The following CUBN variants were observed in gnomAD, a reference collection of about 807,000 sequenced individuals.
CUBN encodes the protein 460 kDa receptor.
In CUBN, 282 loss-of-function variants were observed where a neutral mutation model predicts 405.3. The ratio of observed to expected loss-of-function variants is 0.70; its 90% CI spans 0.63 to 0.77. The LOEUF (loss-of-function observed/expected upper bound fraction) is 0.77. Ranked by LOEUF, CUBN falls within the 30% of genes least tolerant of loss-of-function variation. The pLI is 0.00. For missense variants in CUBN, 4,514 were observed against 4,475.2 expected (o/e 1.01, Z -0.25); for synonymous variants, 1,684 against 1,617.0 (o/e 1.04, Z -0.99).
At chr10:17,118,157 T>C (rs1002847434) in intron 6 of CUBN, among the ~76,000 whole-genome samples, 1 of 152,268 alleles carries the variant, frequency 6.6e-6, no homozygotes, top group Admixed American at 6.5e-5. Flanking sequence ...AGCTACAGAG[T>C]ATACTTCTTT....
intron 26 of CUBN, among the ~76,000 whole-genome samples, chr10:17,041,709 G>A (rs1049713987): frequency 3.9e-5 from 6 of 152,056 alleles, no homozygotes; most frequent in African/African-American, 1.4e-4. Flanking sequence ...CTAAAAACCA[G>A]TAACAACATG....
At chr10:17,046,143 T>C in intron 23 of CUBN, 49 bp from the exon 24 acceptor site, 1 of 1,514,688 alleles carries the variant, frequency 6.6e-7, no homozygotes. Context: ...ACAATATTAC[T>C]GTATAAACAT....
At chr10:16,962,368 G>T (rs917729671) in intron 31 of CUBN, among the ~76,000 whole-genome samples, 5 of 151,958 alleles carry the variant, frequency 3.3e-5, no homozygotes, top group Non-Finnish European at 7.4e-5. Flanking sequence ...GAACCAAGGG[G>T]TGGGGTGGGG....
At chr10:17,053,310 T>C (rs747307848) in intron 22 of CUBN, among the ~76,000 whole-genome samples, 1 of 151,988 alleles carries the variant, frequency 6.6e-6, no homozygotes. Flanking sequence ...TTTTTTACTA[T>C]GCATGCACAT....
intron 8 of CUBN, among the ~76,000 whole-genome samples, chr10:17,113,760 G>A (rs944657903): frequency 2.0e-5 from 3 of 152,312 alleles, no homozygotes; most frequent in Middle Eastern, 3.4e-3. Context: ...CTGGTCAGTT[G>A]GTGGTCACTG....
At chr10:17,051,905 T>C (rs1835278376) in intron 22 of CUBN, among the ~76,000 whole-genome samples, 1 of 152,086 alleles carries the variant, frequency 6.6e-6, no homozygotes, top group Admixed American at 6.5e-5. Flanking sequence ...GCTAAAATTC[T>C]CCTAAATTTT....
chr10:16,844,270 C>CAAAA (rs1325881875), intron 60 of CUBN, among the ~76,000 whole-genome samples: 2 of 143,422 alleles, frequency 1.4e-5, no homozygotes, highest in African/African-American at 2.7e-5. Context: ...ACTCTGTCCC[C>CAAAA]AAAAAAAAAA....
intron 59 of CUBN, among the ~76,000 whole-genome samples, chr10:16,867,591 G>T (rs748693124): frequency 3.3e-5 from 5 of 152,168 alleles, no homozygotes; most frequent in Non-Finnish European, 7.4e-5. Flanking sequence ...TGGCATTTAT[G>T]CAGATGAAAA....
At chr10:16,841,228 A>T (rs549471087) in intron 60 of CUBN, among the ~76,000 whole-genome samples, 181 bp from the exon 61 acceptor site, 1 of 152,308 alleles carries the variant, frequency 6.6e-6, no homozygotes, top group South Asian at 2.1e-4. Flanking sequence ...CTTTCAGGAA[A>T]AACCTGTTAT....
intron 8 of CUBN, among the ~76,000 whole-genome samples, chr10:17,111,794 C>T (rs929162483): frequency 2.0e-5 from 3 of 152,150 alleles, no homozygotes; most frequent in Non-Finnish European, 2.9e-5. Context: ...TGTGGTGGTT[C>T]ACGCCTGTAG....
At chr10:17,105,884 A>AT (rs1836618289) in intron 10 of CUBN, among the ~76,000 whole-genome samples, 5 of 152,244 alleles carry the variant, frequency 3.3e-5, no homozygotes, top group Admixed American at 2.0e-4. Flanking sequence ...CCTGGGGAAG[A>AT]CAGACATTCC....
chr10:16,931,610 A>G (rs955271018), intron 40 of CUBN, among the ~76,000 whole-genome samples: 3 of 152,196 alleles, frequency 2.0e-5, no homozygotes, highest in African/African-American at 4.8e-5. Context: ...AACTATTCCA[A>G]ATTCATCATC....
intron 4 of CUBN, among the ~76,000 whole-genome samples, chr10:17,125,613 A>C (rs1382036530): frequency 1.3e-5 from 2 of 152,234 alleles, no homozygotes; most frequent in East Asian, 3.8e-4. Flanking sequence ...ACAGGGGCCT[A>C]GTAGAAAATG....
At chr10:17,055,819 C>T (rs1351394468) in intron 22 of CUBN, among the ~76,000 whole-genome samples, 2 of 152,018 alleles carry the variant, frequency 1.3e-5, no homozygotes, top group African/African-American at 2.4e-5. Flanking sequence ...GATTGGAAGG[C>T]TGAATTTAAG....
intron 23 of CUBN, among the ~76,000 whole-genome samples, chr10:17,046,384 C>A (rs1337092910): frequency 6.6e-6 from 1 of 152,070 alleles, no homozygotes; most frequent in African/African-American, 2.4e-5. Context: ...TCGAATAAAG[C>A]CTCTGGCAAA....
chr10:17,033,182 A>C (rs547267765), intron 27 of CUBN, among the ~76,000 whole-genome samples: 4 of 152,270 alleles, frequency 2.6e-5, no homozygotes, highest in African/African-American at 9.6e-5. Flanking sequence ...CCTGCTCTGC[A>C]GGCCAGGTCC....
At chr10:16,900,885 C>T (rs753818792) in intron 52 of CUBN, 35 bp from the exon 53 acceptor site, 2 of 1,369,406 alleles carry the variant, frequency 1.5e-6, no homozygotes, top group East Asian at 2.4e-5. Flanking sequence ...TGTCAGTGAG[C>T]TTTTATCAAC....
chr10:17,082,721 C>T (rs1004118232), intron 17 of CUBN, among the ~76,000 whole-genome samples: 18 of 152,278 alleles, frequency 1.2e-4, no homozygotes, highest in African/African-American at 2.6e-4. Flanking sequence ...TTGTAGTCAA[C>T]GTCACACAAT....
chr10:16,923,375 G>C (rs1345350262), intron 43 of CUBN, among the ~76,000 whole-genome samples: 1 of 152,096 alleles, frequency 6.6e-6, no homozygotes, highest in Non-Finnish European at 1.5e-5. Flanking sequence ...TAGGTGATTT[G>C]ATGTCAAAAA....
Sources: allele counts gnomAD v4.1 joint callset (sites outside exome capture counted in the v4.1 genomes callset), GRCh38; gene constraint gnomAD v4.1.1; transcripts MANE v1.5; gene names NCBI Gene and HGNC (gene_info 2026-07-23, HGNC 2026-07-21).